Variants in DNAJC9 observed in about 807,000 individuals in gnomAD.
DNAJC9 encodes the protein DnaJ heat shock protein family (Hsp40) member C9.
Under a neutral mutation model 32.4 loss-of-function variants are expected in DNAJC9, and 18 were observed. That is an observed-to-expected ratio of 0.56 (90% CI 0.38 to 0.82). The LOEUF is 0.82. Ranked by LOEUF, DNAJC9 falls within the 40% of genes least tolerant of loss-of-function variation. The pLI is 0.00. For missense variants in DNAJC9, 310 were observed against 321.8 expected (o/e 0.96, Z 0.28); for synonymous variants, 113 against 122.1 (o/e 0.93, Z 0.49).
chr10:73,234,585 C>T (rs376763233), downstream of DNAJC9: 1,113 of 476,320 alleles, frequency 2.3e-3, 34 homozygotes, highest in South Asian at 0.028. Context: ...AGAGAAAAGG[C>T]CAGCTTCTGT....
At chr10:73,245,769 A>G (rs2043999765) in intron 3 of DNAJC9, among the ~76,000 whole-genome samples, 153 bp downstream of exon 3, 1 of 152,224 alleles carries the variant, frequency 6.6e-6, no homozygotes. Flanking sequence ...CTCTTGATGA[A>G]CTGGTATGCC....
Position 73,247,037 on chromosome 10 carries a change from G to C in DNAJC9, c.153C>G (p.Asp51Glu). 1.3e-6 allele frequency: 2 copies of C among 1,540,154 alleles called. No homozygotes were observed. Among genetic ancestry groups the C allele is most frequent in the Non-Finnish European group, 1.8e-6 (2 of 1,141,784 alleles). ...GGAAGCGGCGGGTGGCGTCCTCCTT[G>C]TCGCCCTCACCCACCCGGTCCGGGT... Reference protein sequence around the residue: ...QVHPDRVGEGDKEDATRRFQI... With the variant: ...QVHPDRVGEGEKEDATRRFQI... The change falls in exon 1 of 5, where the codon GAC becomes GAG. Residue 51 changes from aspartate (D) to glutamate (E), a missense_variant. Transcript: ENST00000372950.
chr10:73,245,771 T>C (rs1452963510), intron 3 of DNAJC9, 151 bp downstream of exon 3: 1 of 859,210 alleles, frequency 1.2e-6, no homozygotes, highest in Non-Finnish European at 1.7e-6. Context: ...CTTGATGAAC[T>C]GGTATGCCCA....
downstream of DNAJC9, among the ~76,000 whole-genome samples, chr10:73,240,654 G>A (rs2043925888): frequency 6.6e-6 from 1 of 151,446 alleles, no homozygotes; most frequent in Non-Finnish European, 1.5e-5. Flanking sequence ...AGAGCTTGCA[G>A]TGAGCCGAGA....
chr10:73,243,790 T>C lies in DNAJC9; in HGVS notation c.663+53A>G, dbSNP rs2043978579. 6 of 1,465,294 alleles carry C rather than the reference T, an allele frequency of 4.1e-6. No homozygotes were observed. In the Admixed American group the frequency reaches 5.6e-5, roughly 14 times the overall value. 90.8% of individuals were successfully genotyped at this position (1,465,294 alleles called of 1,614,324 possible). A position where few individuals can be genotyped will look rare whatever the true frequency, so the allele number is the denominator to read the frequency against. On this transcript the variant is annotated intron_variant, in intron 4 of 4. Transcript: ENST00000372950. ...AAAATACAACATTCCAAAGAAAATA[T>C]TAGCAGTAGGAATCAGATCATTAAA...
downstream of DNAJC9, among the ~76,000 whole-genome samples, chr10:73,240,730 C>A (rs891131925): frequency 4.0e-5 from 6 of 149,554 alleles, no homozygotes; most frequent in Non-Finnish European, 8.9e-5. Flanking sequence ...AAAAAAAAAA[C>A]CTCAGGTATA....
chr10:73,232,899 TG>T, intron 2 of DNAJC9: 1 of 1,200,702 alleles, frequency 8.3e-7, no homozygotes, highest in Non-Finnish European at 1.2e-6. Flanking sequence ...CTTGACATAC[TG>T]ATCTTTACTT....
At chr10:73,240,294 A>G (rs757646768), downstream of DNAJC9, among the ~76,000 whole-genome samples, 2 of 152,194 alleles carry the variant, frequency 1.3e-5, no homozygotes, top group Non-Finnish European at 1.5e-5. Context: ...GCCTCAAACC[A>G]TCTTTGTAGT....
rs1344942153 is a variant in DNAJC9 at position 73,246,909 on chromosome 10, C to A, written c.181-81G>T. On this transcript the variant is annotated intron_variant, in intron 1 of 4. Coordinates refer to ENST00000372950, the MANE Select transcript of DNAJC9 (RefSeq NM_015190.5). Reference sequence around the variant, plus strand: ...GCGAGAAATAAAGATCAGAAGGCGCCAAGCGGAGCTCAGCGCGCTCCCCCG... The same window carrying A: ...GCGAGAAATAAAGATCAGAAGGCGCAAAGCGGAGCTCAGCGCGCTCCCCCG... The A allele has an allele frequency of 3.1e-6, 5 of 1,600,388 alleles. No individual in the cohort carries two copies. The African/African-American group carries it at 4.0e-5, about 13-fold the overall frequency.
chr10:73,245,294 G>A (rs906227516), intron 3 of DNAJC9, among the ~76,000 whole-genome samples: 4 of 151,990 alleles, frequency 2.6e-5, no homozygotes, highest in Admixed American at 6.6e-5. Flanking sequence ...AAAGTTGTGT[G>A]CTCCTTAAGA....
rs2043974097 is a variant in DNAJC9 at position 73,243,259 on chromosome 10, G to C, written c.*141C>G. ...AAGATCAGGTTGAGAGATTCTGCTT[G>C]GTCTAGTCAATCTGAAAAATTCAGG... On this transcript the variant is annotated 3_prime_UTR_variant, in exon 5 of 5. Coordinates refer to ENST00000372950, the MANE Select transcript of DNAJC9 (RefSeq NM_015190.5). 1.2e-6 allele frequency: 1 copy of C among 836,282 alleles called. No homozygotes were observed. The highest frequency in any genetic ancestry group is 1.6e-5 in the South Asian group (1 of 60,692). The allele number at this position is 836,282 out of a possible 1,614,324, so 51.8% of individuals were successfully genotyped here.
downstream of DNAJC9, chr10:73,239,113 CAATA>C (rs1454122553): frequency 2.0e-6 from 1 of 507,676 alleles, no homozygotes; most frequent in Admixed American, 3.4e-5. Flanking sequence ...GCAATTTTTA[CAATA>C]AATGGCTTTG....
intron 1 of DNAJC9, 64 bp from the exon 2 acceptor site, chr10:73,246,892 T>G (rs1055755285): frequency 1.9e-6 from 3 of 1,607,896 alleles, no homozygotes; most frequent in Admixed American, 3.3e-5. Flanking sequence ...GCGCGAGAAA[T>G]AAAGATCAGA....
downstream of DNAJC9, chr10:73,239,439 G>A: frequency 1.5e-6 from 2 of 1,351,858 alleles, no homozygotes; most frequent in Non-Finnish European, 1.0e-6. Context: ...TTAAGACCCA[G>A]CCTTTGTCTT....
downstream of DNAJC9, chr10:73,241,134 AAG>A: frequency 1.4e-6 from 1 of 719,124 alleles, no homozygotes; most frequent in Non-Finnish European, 2.4e-6. Context: ...CATCTTCATG[AAG>A]AGTGATTTTG....
downstream of DNAJC9, among the ~76,000 whole-genome samples, chr10:73,240,714 CAAAAA>C (rs55812252): frequency 2.8e-5 from 3 of 106,920 alleles, no homozygotes; most frequent in Admixed American, 2.9e-4. Context: ...ACTCCACCTC[CAAAAA>C]AAAAAAAAAA....
At chr10:73,235,550 C>T (rs942260334), downstream of DNAJC9, 5 of 914,260 alleles carry the variant, frequency 5.5e-6, no homozygotes, top group East Asian at 1.1e-4. Flanking sequence ...CAATTTAACA[C>T]TTAAGATATG....
rs921143462 is a variant in DNAJC9 at position 73,242,052 on chromosome 10, C to A, written c.*1348G>T. ...TATTAATTTTCAGAATGGATAAATT[C>A]AAATAATCATAAATTACGGTAACTT... On this transcript the variant is annotated 3_prime_UTR_variant, in exon 5 of 5. Transcript: ENST00000372950. The A allele has an allele frequency of 2.6e-5, 4 of 152,144 alleles. No homozygotes were observed. The highest frequency in any genetic ancestry group is 9.7e-5 in the African/African-American group (4 of 41,426). The allele number at this position is 152,144 out of a possible 1,614,324, so 9.4% of individuals were successfully genotyped here. A position where few individuals can be genotyped will look rare whatever the true frequency, so the allele number is the denominator to read the frequency against.
chr10:73,232,874 G>A (rs542493965), intron 2 of DNAJC9: 58 of 976,280 alleles, frequency 5.9e-5, no homozygotes, highest in African/African-American at 2.4e-4. Context: ...TTTTTACCCC[G>A]TTAGTCTTGT....
Sources: gnomAD v4.1 joint callset for allele counts (sites outside exome capture counted in the v4.1 genomes callset) on GRCh38, gnomAD v4.1.1 for gene constraint, MANE v1.5 for transcripts, NCBI Gene and HGNC (gene_info 2026-07-23, HGNC 2026-07-21) for gene names.